The following ARHGEF38 variants were observed in gnomAD, a reference collection of about 807,000 sequenced individuals.
ARHGEF38 encodes Rho guanine nucleotide exchange factor 38.
ARHGEF38 carries 79 observed loss-of-function variants against 79.9 expected under a neutral mutation model. That is an observed-to-expected ratio of 0.99 (90% CI 0.82 to 1.19). The LOEUF is 1.19. Among genes scored for constraint, ARHGEF38 ranks in the 50% most tolerant of loss-of-function variants. The probability of loss-of-function intolerance (pLI) is 0.00; values close to 1 mark genes in which losing one functional copy is unlikely to be tolerated. For synonymous variants in ARHGEF38, 366 were observed against 328.3 expected (o/e 1.11, Z -1.24); for missense variants, 962 against 907.2 (o/e 1.06, Z -0.78).
chr4:105,561,419 A>AGAATGGAATGGAATG (rs1401158972), intron 1 of ARHGEF38, among the ~76,000 whole-genome samples: 2 of 46,044 alleles, frequency 4.3e-5, no homozygotes, highest in East Asian at 7.3e-4. Context: ...AGAATAGAAT[A>AGAATGGAATGGAATG]GAATGGAATA....
intron 1 of ARHGEF38, among the ~76,000 whole-genome samples, chr4:105,578,810 G>A (rs1726636261): frequency 6.6e-6 from 1 of 152,030 alleles, no homozygotes; most frequent in Admixed American, 6.6e-5. Context: ...TTTTAGGTAA[G>A]TCTCTGGAAG....
chr4:105,579,058 G>T (rs1260230003), intron 1 of ARHGEF38, among the ~76,000 whole-genome samples: 3 of 152,122 alleles, frequency 2.0e-5, no homozygotes, highest in African/African-American at 7.2e-5. Flanking sequence ...TGTTCTTGGT[G>T]TATAGGAATG....
At chr4:105,587,740 G>T (rs1202628235) in intron 1 of ARHGEF38, among the ~76,000 whole-genome samples, 1 of 152,156 alleles carries the variant, frequency 6.6e-6, no homozygotes, top group Admixed American at 6.5e-5. Flanking sequence ...GATTACAGGT[G>T]TGAGCCACTG....
intron 8 of ARHGEF38, among the ~76,000 whole-genome samples, chr4:105,655,214 A>G (rs901977548): frequency 1.3e-5 from 2 of 152,224 alleles, no homozygotes; most frequent in Non-Finnish European, 2.9e-5. Flanking sequence ...TAGATTCAAC[A>G]AAAAATGTAA....
At chr4:105,633,748 T>A (rs552942214) in intron 4 of ARHGEF38, among the ~76,000 whole-genome samples, 3 of 152,272 alleles carry the variant, frequency 2.0e-5, no homozygotes, top group Admixed American at 1.3e-4. Flanking sequence ...AAATATTTTT[T>A]AAAAATATAT....
intron 1 of ARHGEF38, among the ~76,000 whole-genome samples, chr4:105,586,173 A>G (rs1727036772): frequency 6.6e-6 from 1 of 150,438 alleles, no homozygotes; most frequent in African/African-American, 2.5e-5. Context: ...GTTTAAATGC[A>G]GAGAAAGATC....
At chr4:105,560,833 C>T (rs572551556) in intron 1 of ARHGEF38, among the ~76,000 whole-genome samples, 2 of 152,144 alleles carry the variant, frequency 1.3e-5, no homozygotes, top group Non-Finnish European at 2.9e-5. Context: ...CTGAATGCTT[C>T]TTAATGTTAG....
At chr4:105,671,255 G>A (rs966021396) in intron 13 of ARHGEF38, among the ~76,000 whole-genome samples, 2 of 152,142 alleles carry the variant, frequency 1.3e-5, no homozygotes, top group Admixed American at 1.3e-4. Context: ...TGGGATCCCT[G>A]ATACTTTCCC....
rs1728382147 is a variant in ARHGEF38, at chr4:105,613,437, G to A, written c.438G>A (p.Gln146=). ...SLFSNIESVH[Q]ISAKLLSLLE... ...TTAGCAACATTGAGTCCGTGCATCA[G>A]ATATCAGCCAAGCTGCTGTCATTGT... Residue 146 remains glutamine, a synonymous_variant, in exon 3 of 14, where the codon CAG becomes CAA. Coordinates refer to ENST00000420470, the MANE Select transcript of ARHGEF38 (RefSeq NM_001242729.2). 6.2e-7 allele frequency: 1 copy of A among 1,613,420 alleles called. No homozygotes were observed. The highest frequency in any genetic ancestry group is 8.5e-7 in the Non-Finnish European group (1 of 1,179,530).
Position 105,680,019 on chromosome 4 carries a change from T to C in ARHGEF38, c.*2082T>C. ...TCTGTTTTGTGCGGATTCATGGCCA[T>C]GTCAGTTACATTCTTCTTCGTCTCA... On this transcript the variant is annotated 3_prime_UTR_variant, in exon 14 of 14. Coordinates refer to ENST00000420470, the MANE Select transcript of ARHGEF38 (RefSeq NM_001242729.2). The C allele has an allele frequency of 2.0e-6, 2 of 979,862 alleles. No individual in the cohort carries two copies. The highest frequency in any genetic ancestry group is 3.3e-6 in the Non-Finnish European group (2 of 606,490). The allele number at this position is 979,862 out of a possible 1,614,324, so 60.7% of individuals were successfully genotyped here.
Position 105,598,674 on chromosome 4 carries a change from AT to A in ARHGEF38, c.384+9249del, listed in dbSNP as rs143585627. Among the ~76,000 whole-genome samples the A allele has an allele frequency of 2.2e-3, 321 of 148,558 alleles. 2 individuals are homozygous for A. In the East Asian group the frequency reaches 0.033, roughly 15 times the overall value. ...ATCTGTATGACCAGGTTAGAACTCCATTTTTTTTTTAATCAAAGACTTGATT... is the reference window on the plus strand; with the variant it reads ...ATCTGTATGACCAGGTTAGAACTCCATTTTTTTTTAATCAAAGACTTGATT... On this transcript the variant is annotated intron_variant, in intron 2 of 13. Coordinates refer to ENST00000420470, the MANE Select transcript of ARHGEF38 (RefSeq NM_001242729.2).
intron 2 of ARHGEF38, among the ~76,000 whole-genome samples, chr4:105,609,617 T>C (rs541835064): frequency 6.2e-4 from 94 of 152,200 alleles, no homozygotes; most frequent in African/African-American, 2.2e-3. Flanking sequence ...TTAAAATTTA[T>C]ATGCAACCAC....
chr4:105,553,183 TA>T (rs1191302013), intron 1 of ARHGEF38, among the ~76,000 whole-genome samples: 1 of 152,180 alleles, frequency 6.6e-6, no homozygotes, highest in East Asian at 1.9e-4. Context: ...TTACTCTTAA[TA>T]TTGCTGTGTT....
At chr4:105,592,279 A>G (rs1204639631) in intron 2 of ARHGEF38, among the ~76,000 whole-genome samples, 1 of 151,860 alleles carries the variant, frequency 6.6e-6, no homozygotes, top group African/African-American at 2.4e-5. Context: ...CCTCAATCCC[A>G]TTCAGCCACT....
intron 6 of ARHGEF38, among the ~76,000 whole-genome samples, chr4:105,647,668 A>T (rs143581300): frequency 6.6e-6 from 1 of 152,284 alleles, no homozygotes; most frequent in Non-Finnish European, 1.5e-5. Context: ...TCTCATCAGC[A>T]GTCTGTAAGA....
intron 4 of ARHGEF38, chr4:105,632,956 C>A (rs1055651492): frequency 6.6e-6 from 1 of 152,604 alleles, no homozygotes; most frequent in Non-Finnish European, 1.5e-5. Context: ...GTATCATATC[C>A]CCACAAAGCA....
intron 2 of ARHGEF38, among the ~76,000 whole-genome samples, chr4:105,604,266 G>C (rs770082428): frequency 6.6e-6 from 1 of 152,094 alleles, no homozygotes; most frequent in Non-Finnish European, 1.5e-5. Flanking sequence ...AAAAAATGTG[G>C]GAATTACAGT....
chr4:105,575,803 T>A (rs1726468281), intron 1 of ARHGEF38, among the ~76,000 whole-genome samples: 1 of 152,188 alleles, frequency 6.6e-6, no homozygotes, highest in Non-Finnish European at 1.5e-5. Context: ...AAGTCTTTGA[T>A]CCATCTTGAG....
At chr4:105,624,765 G>C (rs971361157) in intron 3 of ARHGEF38, among the ~76,000 whole-genome samples, 47 of 152,318 alleles carry the variant, frequency 3.1e-4, no homozygotes, top group Non-Finnish European at 2.8e-4. Flanking sequence ...TGGCAGCTGG[G>C]CTCCCATCCA....
Sources: gnomAD v4.1 joint callset for allele counts (sites outside exome capture counted in the v4.1 genomes callset) on GRCh38, gnomAD v4.1.1 for gene constraint, MANE v1.5 for transcripts, NCBI Gene and HGNC (gene_info 2026-07-23, HGNC 2026-07-21) for gene names.